CAMK1D: variants seen among roughly 807,000 people sequenced by gnomAD.
CAMK1D encodes the protein calcium/calmodulin-dependent protein kinase type 1D.
Under a neutral mutation model 47.7 loss-of-function variants are expected in CAMK1D, and 9 were observed. The observed-to-expected ratio is 0.19, with a 90% confidence interval of 0.11 to 0.33. The LOEUF (loss-of-function observed/expected upper bound fraction) is 0.33, where lower values mean the gene tolerates loss of function less well. CAMK1D is among the 10% of genes least tolerant of loss of function. The probability of loss-of-function intolerance (pLI) is 1.00; values close to 1 mark genes in which losing one functional copy is unlikely to be tolerated. For synonymous variants in CAMK1D, 184 were observed against 184.9 expected (o/e 0.99, Z 0.04); for missense variants, 291 against 488.7 (o/e 0.60, Z 3.81).
chr10:12,419,446 G>A (rs984477490), intron 1 of CAMK1D, among the ~76,000 whole-genome samples: 2 of 152,088 alleles, frequency 1.3e-5, no homozygotes, highest in South Asian at 2.1e-4. Flanking sequence ...GGAAATACAC[G>A]CGATAACCAG....
At chr10:12,645,812 A>C (rs1337907935) in intron 2 of CAMK1D, among the ~76,000 whole-genome samples, 3 of 152,230 alleles carry the variant, frequency 2.0e-5, no homozygotes, top group Non-Finnish European at 2.9e-5. Flanking sequence ...TTTAAAAAAT[A>C]GCTTAGCAGC....
At chr10:12,817,677 A>T (rs1832851679) in intron 8 of CAMK1D, among the ~76,000 whole-genome samples, 1 of 152,148 alleles carries the variant, frequency 6.6e-6, no homozygotes, top group South Asian at 2.1e-4. Context: ...ATGCTTAGTT[A>T]ATTGTAGCTA....
At chr10:12,489,170 C>G (rs937121577) in intron 1 of CAMK1D, among the ~76,000 whole-genome samples, 2 of 152,140 alleles carry the variant, frequency 1.3e-5, no homozygotes, top group African/African-American at 4.8e-5. Context: ...GATCCCCTGA[C>G]CTTGTGATCC....
chr10:12,441,095 C>G (rs1832771748), intron 1 of CAMK1D, among the ~76,000 whole-genome samples: 1 of 152,252 alleles, frequency 6.6e-6, no homozygotes, highest in Admixed American at 6.5e-5. Context: ...CTTTCGTCCT[C>G]CAATCATACG....
At chr10:12,786,450 A>G (rs1242641312) in intron 5 of CAMK1D, among the ~76,000 whole-genome samples, 1 of 152,248 alleles carries the variant, frequency 6.6e-6, no homozygotes, top group Non-Finnish European at 1.5e-5. Context: ...TTCCATCGCC[A>G]ATATTGTCAT....
chr10:12,803,025 G>A (rs1485589581), intron 6 of CAMK1D, among the ~76,000 whole-genome samples: 2 of 152,212 alleles, frequency 1.3e-5, no homozygotes, highest in Non-Finnish European at 2.9e-5. Flanking sequence ...TGGACAAAGA[G>A]ACTAAAATTC....
intron 3 of CAMK1D, among the ~76,000 whole-genome samples, chr10:12,701,468 G>A (rs1028029040): frequency 2.0e-5 from 3 of 152,122 alleles, no homozygotes. Flanking sequence ...TTCCAGTATG[G>A]GCTGGCCTGG....
In CAMK1D at chr10:12,768,753, A is replaced by G. The variant is rs148395659; in HGVS notation, c.439-920A>G. ...TCCTCTTTGTGTTCAAGGCCCACGCAGCAGTGCAAGGACAAGTCCAAGGCT... is the reference window on the plus strand; with the variant it reads ...TCCTCTTTGTGTTCAAGGCCCACGCGGCAGTGCAAGGACAAGTCCAAGGCT... On this transcript the variant is annotated intron_variant, in intron 4 of 10. Coordinates refer to ENST00000619168, the MANE Select transcript of CAMK1D (RefSeq NM_153498.4). 8.2e-4 allele frequency among the ~76,000 whole-genome samples: 124 copies of G among 150,790 alleles called. 1 individual carries two copies. Among genetic ancestry groups the G allele is most frequent in the African/African-American group, 2.9e-3 (119 of 41,196 alleles).
At chr10:12,702,706 C>T (rs920740827) in intron 3 of CAMK1D, among the ~76,000 whole-genome samples, 1 of 152,166 alleles carries the variant, frequency 6.6e-6, no homozygotes, top group Non-Finnish European at 1.5e-5. Context: ...TTGCTTATAG[C>T]CTCGTGGCCA....
intron 1 of CAMK1D, among the ~76,000 whole-genome samples, chr10:12,511,790 C>G (rs7093060): frequency 1.1e-4 from 16 of 152,356 alleles, no homozygotes; most frequent in Non-Finnish European, 2.1e-4. Context: ...GATCGGCTCT[C>G]CTGGATAGAC....
At chr10:12,550,493 G>T (rs938274570) in intron 1 of CAMK1D, among the ~76,000 whole-genome samples, 1 of 152,174 alleles carries the variant, frequency 6.6e-6, no homozygotes, top group African/African-American at 2.4e-5. Flanking sequence ...GGGATGGTGC[G>T]TGGGCTCAGG....
intron 3 of CAMK1D, among the ~76,000 whole-genome samples, chr10:12,708,928 A>G (rs2399841): frequency 2.6e-5 from 4 of 152,106 alleles, no homozygotes; most frequent in African/African-American, 9.7e-5. Context: ...TCAGTGAGCC[A>G]CCACGCCCGA....
intron 2 of CAMK1D, among the ~76,000 whole-genome samples, chr10:12,633,845 A>G (rs1839444674): frequency 6.6e-6 from 1 of 152,142 alleles, no homozygotes; most frequent in Admixed American, 6.5e-5. Context: ...GCGTCAGCCA[A>G]CTTTCCCAGC....
At chr10:12,353,706 C>G (rs889144942) in intron 1 of CAMK1D, among the ~76,000 whole-genome samples, 11 of 152,098 alleles carry the variant, frequency 7.2e-5, no homozygotes, top group African/African-American at 2.7e-4. Flanking sequence ...AGTGCAGCCT[C>G]CTACAAAAGG....
intron 2 of CAMK1D, among the ~76,000 whole-genome samples, chr10:12,574,552 A>C (rs561400013): frequency 2.7e-4 from 38 of 140,030 alleles, no homozygotes; most frequent in Non-Finnish European, 3.7e-4. Context: ...TCCTGGCCTC[A>C]AGTGATCCAC....
In CAMK1D at chr10:12,694,184, A is replaced by ATATATT. The variant is rs1564498367; in HGVS notation, c.299+27374_299+27375insTATATT. Among the ~76,000 whole-genome samples, 62 of 17,326 alleles carry ATATATT rather than the reference A, an allele frequency of 3.6e-3. 10 individuals carry two copies. Among genetic ancestry groups the ATATATT allele is most frequent in the Non-Finnish European group, 5.2e-3 (59 of 11,282 alleles). 11.4% of individuals were successfully genotyped at this position (17,326 alleles called of 152,430 possible). Reference sequence around the variant, plus strand: ...ATTATGCATAATATATATTATATATAATATAATATATATTATATATTATGT... The same window carrying ATATATT: ...ATTATGCATAATATATATTATATATATATATTATATAATATATATTATATATTATGT... On this transcript the variant is annotated intron_variant, in intron 3 of 10. Transcript: ENST00000619168.
intron 1 of CAMK1D, among the ~76,000 whole-genome samples, chr10:12,496,864 A>G (rs1033398666): frequency 5.9e-5 from 9 of 152,020 alleles, no homozygotes; most frequent in Admixed American, 5.2e-4. Flanking sequence ...TGCATTAGCT[A>G]TTTTCCCTAA....
intron 6 of CAMK1D, among the ~76,000 whole-genome samples, chr10:12,800,836 A>C (rs911541203): frequency 1.3e-5 from 2 of 152,196 alleles, no homozygotes; most frequent in Non-Finnish European, 2.9e-5. Context: ...CATCATGTTC[A>C]TAATACAGCG....
At chr10:12,499,972 G>T (rs1370204846) in intron 1 of CAMK1D, among the ~76,000 whole-genome samples, 6 of 152,144 alleles carry the variant, frequency 3.9e-5, no homozygotes. Context: ...GAGTATAGAA[G>T]AAAGCTGTCT....
Sources: allele counts gnomAD v4.1 joint callset (sites outside exome capture counted in the v4.1 genomes callset), GRCh38; gene constraint gnomAD v4.1.1; transcripts MANE v1.5; gene names NCBI Gene and HGNC (gene_info 2026-07-23, HGNC 2026-07-21).